The following LGSN variants were observed in gnomAD, a reference collection of about 807,000 sequenced individuals.
The protein encoded by LGSN is lengsin.
LGSN carries 21 observed loss-of-function variants against 19.5 expected under a neutral mutation model. The observed-to-expected ratio is 1.07, with a 90% CI of 0.76 to 1.55. LGSN has a LOEUF of 1.55. Among genes scored for constraint, LGSN ranks in the 40% most tolerant of loss-of-function variants. LGSN has a pLI of 0.00. For synonymous variants in LGSN, 257 were observed against 215.6 expected (o/e 1.19, Z -1.68); for missense variants, 673 against 608.5 (o/e 1.11, Z -1.12).
the LGSN span, among the ~76,000 whole-genome samples, chr6:63,408,836 A>AAAAAAC: frequency 6.6e-6 from 1 of 152,218 alleles, no homozygotes; most frequent in Admixed American, 6.5e-5. Flanking sequence ...ATTTACAAGA[A>AAAAAAC]AAAAACAAAC....
the LGSN span, among the ~76,000 whole-genome samples, chr6:63,443,126 G>T: frequency 6.6e-6 from 1 of 152,216 alleles, no homozygotes; most frequent in Non-Finnish European, 1.5e-5. Flanking sequence ...AATTCAAGCC[G>T]GGTGCGGACA....
chr6:63,429,173 T>A, the LGSN span, among the ~76,000 whole-genome samples: 1 of 152,132 alleles, frequency 6.6e-6, no homozygotes, highest in Admixed American at 6.6e-5. Flanking sequence ...GTATTACAAG[T>A]GGGAAAAGTG....
the LGSN span, among the ~76,000 whole-genome samples, chr6:63,481,040 A>G: frequency 6.7e-6 from 1 of 149,908 alleles, no homozygotes; most frequent in Admixed American, 6.7e-5. Flanking sequence ...CTACTCAACC[A>G]TGAAAGGGAA....
At chr6:63,539,681 A>C in the LGSN span, among the ~76,000 whole-genome samples, 2 of 152,052 alleles carry the variant, frequency 1.3e-5, no homozygotes, top group Non-Finnish European at 2.9e-5. Context: ...AGGCAGGGGA[A>C]TTGCTTGAAC....
rs111919423 is a variant in LGSN at position 63,294,895 on chromosome 6, C to T, written c.163+18G>A. Reference sequence around the variant, plus strand: ...CCTCTGACCACACCATTTTTGAGGACTCAGAGTAGTTAGATACCATTTGAA... The same window carrying T: ...CCTCTGACCACACCATTTTTGAGGATTCAGAGTAGTTAGATACCATTTGAA... On this transcript the variant is annotated intron_variant, in intron 2 of 3. Coordinates refer to ENST00000370657, the MANE Select transcript of LGSN (RefSeq NM_016571.3). 128 of 1,613,190 alleles carry T rather than the reference C, an allele frequency of 7.9e-5. No homozygotes were observed. In the African/African-American group the frequency reaches 1.5e-3, roughly 19 times the overall value.
the LGSN span, among the ~76,000 whole-genome samples, chr6:63,488,542 A>G: frequency 6.6e-6 from 1 of 152,158 alleles, no homozygotes; most frequent in Admixed American, 6.6e-5. Context: ...TTTGACCAAT[A>G]AGCCCCCTAC....
the LGSN span, among the ~76,000 whole-genome samples, chr6:63,358,615 A>C: frequency 6.6e-6 from 1 of 152,180 alleles, no homozygotes; most frequent in African/African-American, 2.4e-5. Context: ...GAGTTCACTC[A>C]TGATTTGGCT....
chr6:63,445,617 C>CA, the LGSN span, among the ~76,000 whole-genome samples: 2,631 of 151,072 alleles, frequency 0.017, 76 homozygotes, highest in African/African-American at 0.061. Context: ...GACCCTGTCT[C>CA]AAAAAAAATA....
chr6:63,564,940 C>T, the LGSN span, among the ~76,000 whole-genome samples: 1 of 152,146 alleles, frequency 6.6e-6, no homozygotes, highest in African/African-American at 2.4e-5. Context: ...ATTCAGTGCC[C>T]CAAGGAAATG....
At chr6:63,463,925 A>C in the LGSN span, among the ~76,000 whole-genome samples, 7 of 152,312 alleles carry the variant, frequency 4.6e-5, no homozygotes, top group South Asian at 1.4e-3. Context: ...CACTAAGCCA[A>C]AAATGGACAG....
At chr6:63,380,501 A>G in the LGSN span, among the ~76,000 whole-genome samples, 2 of 152,138 alleles carry the variant, frequency 1.3e-5, no homozygotes, top group African/African-American at 4.8e-5. Flanking sequence ...AGCATCACCA[A>G]CTTAAGTCTG....
the LGSN span, among the ~76,000 whole-genome samples, chr6:63,383,294 A>G: frequency 1.3e-5 from 2 of 151,636 alleles, no homozygotes; most frequent in African/African-American, 2.4e-5. Context: ...AACTTTCTCA[A>G]TGACAGAAGG....
At chr6:63,492,633 G>A in the LGSN span, among the ~76,000 whole-genome samples, 1 of 152,186 alleles carries the variant, frequency 6.6e-6, no homozygotes, top group African/African-American at 2.4e-5. Context: ...TGAGGTAGGA[G>A]GGATTGCAGC....
At chr6:63,345,429 A>C in the LGSN span, among the ~76,000 whole-genome samples, 4 of 152,346 alleles carry the variant, frequency 2.6e-5, no homozygotes, top group Admixed American at 2.0e-4. Flanking sequence ...TCCGCCAAAA[A>C]TAAAATTTAA....
upstream of LGSN, among the ~76,000 whole-genome samples, chr6:63,323,559 TACACACACACACACACAC>T (rs58400159): frequency 1.7e-3 from 221 of 132,828 alleles, 1 homozygote; most frequent in South Asian, 0.014. Context: ...AAACCTCATA[TACACACACACACACACAC>T]ACACACACAC....
the LGSN span, among the ~76,000 whole-genome samples, chr6:63,539,225 T>A: frequency 1.3e-5 from 2 of 152,108 alleles, no homozygotes; most frequent in Admixed American, 6.6e-5. Context: ...AATGAATAAA[T>A]TCTAACCTGT....
chr6:63,562,820 C>T, the LGSN span, among the ~76,000 whole-genome samples: 1 of 152,090 alleles, frequency 6.6e-6, no homozygotes, highest in Non-Finnish European at 1.5e-5. Flanking sequence ...ACTTTGAGTG[C>T]CTTTATTTAT....
the LGSN span, among the ~76,000 whole-genome samples, chr6:63,367,482 C>T: frequency 4.6e-5 from 7 of 152,062 alleles, no homozygotes; most frequent in African/African-American, 1.7e-4. Context: ...AAAGCTTTTA[C>T]ACTGTTGGTG....
At chr6:63,287,206 T>C (rs1767572862) in intron 2 of LGSN, among the ~76,000 whole-genome samples, 1 of 152,244 alleles carries the variant, frequency 6.6e-6, no homozygotes, top group South Asian at 2.1e-4. Context: ...GTGCTATCAC[T>C]GATACATTTG....
Sources: gnomAD v4.1 joint callset for allele counts (sites outside exome capture counted in the v4.1 genomes callset) on GRCh38, gnomAD v4.1.1 for gene constraint, MANE v1.5 for transcripts, NCBI Gene and HGNC (gene_info 2026-07-23, HGNC 2026-07-21) for gene names.